FRAS1: variants seen among roughly 807,000 people sequenced by gnomAD.
FRAS1 encodes extracellular matrix organizing protein FRAS1.
A neutral mutation model predicts 435.2 loss-of-function variants in FRAS1; 290 were observed. The observed-to-expected ratio is 0.67, with a 90% confidence interval of 0.61 to 0.73. FRAS1 has a LOEUF of 0.73. FRAS1 is among the 30% of genes least tolerant of loss of function. FRAS1 has a pLI of 0.00. For synonymous variants in FRAS1, 1,800 were observed against 1,851.0 expected, an observed-to-expected ratio of 0.97 and a Z score of 0.71; for missense variants, 4,860 against 5,001.5, an observed-to-expected ratio of 0.97 and a Z score of 0.85.
intron 6 of FRAS1, among the ~76,000 whole-genome samples, chr4:78,257,275 C>G (rs1939622144): frequency 2.0e-5 from 3 of 152,064 alleles, no homozygotes; most frequent in African/African-American, 7.2e-5. Flanking sequence ...GCTACTACTC[C>G]CAGAATAATG....
chr4:78,338,035 A>C lies in FRAS1; in HGVS notation c.2422+218A>C, dbSNP rs1730246252. 4.2e-5 allele frequency: 22 copies of C among 518,906 alleles called. No individual in the cohort carries two copies. In the South Asian group the frequency reaches 4.7e-4, roughly 11 times the overall value. The allele number at this position is 518,906 out of a possible 1,614,324, so 32.1% of individuals were successfully genotyped here. ...CTAATAATACTCTTGCAAATCCTGAAAATCTCAGACTCTCATATTAATGAA... is the reference window on the plus strand; with the variant it reads ...CTAATAATACTCTTGCAAATCCTGACAATCTCAGACTCTCATATTAATGAA... On this transcript the variant is annotated intron_variant, in intron 20 of 73. Transcript: ENST00000512123.
At chr4:78,378,647 G>A (rs1731881695) in intron 26 of FRAS1, among the ~76,000 whole-genome samples, 1 of 152,124 alleles carries the variant, frequency 6.6e-6, no homozygotes, top group South Asian at 2.1e-4. Context: ...CTGCTCATGT[G>A]CTTATTGGCC....
intron 2 of FRAS1, among the ~76,000 whole-genome samples, chr4:78,104,847 C>T (rs1742309780): frequency 6.6e-6 from 1 of 152,164 alleles, no homozygotes; most frequent in Non-Finnish European, 1.5e-5. Context: ...TCAGGTCCTG[C>T]AACACTTTTC....
chr4:78,438,999 T>C lies in FRAS1; in HGVS notation c.5464T>C (p.Phe1822Leu). The C allele has an allele frequency of 1.2e-6, 2 of 1,613,366 alleles. No homozygotes were observed. Among genetic ancestry groups the C allele is most frequent in the African/African-American group, 1.3e-5 (1 of 75,028 alleles). Residue 1822 changes from phenylalanine (F) to leucine (L), a missense_variant, in exon 40 of 74, where the codon TTT becomes CTT. By Grantham distance (22) the Phe-to-Leu change is conservative. Coordinates refer to ENST00000512123, the MANE Select transcript of FRAS1 (RefSeq NM_025074.7). Reference protein sequence around the residue: ...MDHNHLDNQIFTIMITPAENP... With the variant: ...MDHNHLDNQILTIMITPAENP... ...CCACAACCATCTGGATAATCAGATA[T>C]TTACCATCATGATCACTCCTGCTGA... is the stretch of plus-strand genomic sequence containing the variant.
chr4:78,429,276 T>C, intron 36 of FRAS1, 50 bp downstream of exon 36: 2 of 1,559,104 alleles, frequency 1.3e-6, no homozygotes, highest in Non-Finnish European at 1.7e-6. Flanking sequence ...TGGGATCATA[T>C]TGCTGCCCCT....
chr4:78,429,048 G>C (rs1245983269), intron 35 of FRAS1, 47 bp from the exon 36 acceptor site: 74 of 1,350,072 alleles, frequency 5.5e-5, no homozygotes, highest in Non-Finnish European at 6.7e-5. Context: ...GCGTGTCTCT[G>C]TGTGTGTGTG....
chr4:78,193,362 A>C (rs1162212246), intron 2 of FRAS1, among the ~76,000 whole-genome samples: 4 of 152,156 alleles, frequency 2.6e-5, no homozygotes, highest in African/African-American at 9.7e-5. Flanking sequence ...TCTAATGTTG[A>C]CAGTGGGGTG....
At chr4:78,284,370 C>T in intron 12 of FRAS1, 35 bp from the exon 13 acceptor site, 1 of 1,588,594 alleles carries the variant, frequency 6.3e-7, no homozygotes, top group Non-Finnish European at 8.6e-7. Flanking sequence ...AGATGGAGTT[C>T]ACAGAGTTCT....
At chr4:78,229,021 A>C (rs984219596) in intron 2 of FRAS1, among the ~76,000 whole-genome samples, 3 of 152,162 alleles carry the variant, frequency 2.0e-5, no homozygotes, top group Non-Finnish European at 4.4e-5. Context: ...TAGCATTGCT[A>C]CCTGACTTAG....
At chr4:78,228,815 T>A (rs1724385696) in intron 2 of FRAS1, among the ~76,000 whole-genome samples, 1 of 152,214 alleles carries the variant, frequency 6.6e-6, no homozygotes, top group Admixed American at 6.5e-5. Flanking sequence ...GAGTACTTTC[T>A]AAGGACAAGT....
intron 61 of FRAS1, among the ~76,000 whole-genome samples, chr4:78,502,818 T>C (rs1039169826): frequency 2.0e-5 from 3 of 152,232 alleles, no homozygotes; most frequent in African/African-American, 7.2e-5. Context: ...TGCTTCCAGC[T>C]TTTGCCCATT....
At chr4:78,288,380 T>A (rs2110190118) in intron 14 of FRAS1, among the ~76,000 whole-genome samples, 1 of 152,316 alleles carries the variant, frequency 6.6e-6, no homozygotes, top group Non-Finnish European at 1.5e-5. Context: ...CTGTACCACC[T>A]CCATCCCCTG....
chr4:78,418,916 A>G, intron 32 of FRAS1, 33 bp from the exon 33 acceptor site: 5 of 1,318,524 alleles, frequency 3.8e-6, no homozygotes, highest in Non-Finnish European at 5.4e-6. Flanking sequence ...TTTTCATACC[A>G]TGTGTTCCTC....
intron 38 of FRAS1, among the ~76,000 whole-genome samples, chr4:78,437,611 G>A (rs750854767): frequency 2.6e-5 from 4 of 152,134 alleles, no homozygotes; most frequent in Non-Finnish European, 5.9e-5. Context: ...GTTGGCCCCC[G>A]CCCTCTTGGT....
At chr4:78,367,314 T>A (rs345541) in intron 22 of FRAS1, among the ~76,000 whole-genome samples, 122,369 of 151,758 alleles carry the variant, frequency 0.81, 50,053 homozygotes, top group African/African-American at 0.93. Context: ...CTGAAGCAGG[T>A]TTGCTTGAGC....
Position 78,181,536 on chromosome 4 carries a change from C to G in FRAS1, c.109-55974C>G, listed in dbSNP as rs1007179318. 1.9e-6 allele frequency: 3 copies of G among 1,611,644 alleles called. No individual in the cohort carries two copies. In the Admixed American group the frequency reaches 5.0e-5, roughly 27 times the overall value. On this transcript the variant is annotated intron_variant, in intron 2 of 73. Coordinates refer to ENST00000512123, the MANE Select transcript of FRAS1 (RefSeq NM_025074.7). ...ATTCCACGTCCACGGCCCCCTCGACCTCTTCCAAGACCACCACGACCTCGA... is the reference window on the plus strand; with the variant it reads ...ATTCCACGTCCACGGCCCCCTCGACGTCTTCCAAGACCACCACGACCTCGA...
intron 6 of FRAS1, among the ~76,000 whole-genome samples, chr4:78,257,218 A>G (rs946928471): frequency 6.6e-6 from 1 of 152,204 alleles, no homozygotes; most frequent in South Asian, 2.1e-4. Flanking sequence ...ACTGTTCTAC[A>G]TTGCAATCTC....
chr4:78,064,192 AAAG>A (rs1011008176), intron 1 of FRAS1, among the ~76,000 whole-genome samples: 68 of 151,106 alleles, frequency 4.5e-4, no homozygotes, highest in African/African-American at 1.6e-3. Context: ...ATTAGAACTT[AAAG>A]AATAATAATA....
rs1489862052 is a variant in FRAS1 at position 78,092,075 on chromosome 4, G to A, written c.108+26059G>A. Reference sequence around the variant, plus strand: ...TTGGAGGTAAGACCTTCCCTGGCTGGTGGTTCTGGAGCTATAGACTCTTCA... The same window carrying A: ...TTGGAGGTAAGACCTTCCCTGGCTGATGGTTCTGGAGCTATAGACTCTTCA... On this transcript the variant is annotated intron_variant, in intron 2 of 73. Coordinates refer to ENST00000512123, the MANE Select transcript of FRAS1 (RefSeq NM_025074.7). Among the ~76,000 whole-genome samples the A allele has an allele frequency of 3.3e-5, 5 of 151,912 alleles. No individual in the cohort carries two copies. The East Asian group carries it at 9.6e-4, about 29-fold the overall frequency.
Sources: allele counts gnomAD v4.1 joint callset (sites outside exome capture counted in the v4.1 genomes callset), GRCh38; gene constraint gnomAD v4.1.1; transcripts MANE v1.5; gene names NCBI Gene and HGNC (gene_info 2026-07-23, HGNC 2026-07-21).